NPHP3: variants seen among roughly 807,000 people sequenced by gnomAD.
The protein encoded by NPHP3 is nephrocystin 3, also known as nephrocystin-3.
A neutral mutation model predicts 171.9 loss-of-function variants in NPHP3; 123 were observed. That is an observed-to-expected ratio of 0.72 (90% CI 0.62 to 0.83). The LOEUF is 0.83. Among genes scored for constraint, NPHP3 ranks in the 40% least tolerant of loss-of-function variants. The pLI is 0.00. For missense variants in NPHP3, 1,506 were observed against 1,591.9 expected, an observed-to-expected ratio of 0.95 and a Z score of 0.92; for synonymous variants, 558 against 579.2, an observed-to-expected ratio of 0.96 and a Z score of 0.52.
rs913827174 is a variant in NPHP3 at position 132,722,371 on chromosome 3, T to C, written c.-16A>G. Reference sequence around the variant, plus strand: ...CGGTCCCCATGGCGTCCGTTGCCGCTACTACCTAGTGAGTACCAGCAGGAC... The same window carrying C: ...CGGTCCCCATGGCGTCCGTTGCCGCCACTACCTAGTGAGTACCAGCAGGAC... On this transcript the variant is annotated 5_prime_UTR_variant, in exon 1 of 27. Transcript: ENST00000337331. 2.6e-5 allele frequency: 41 copies of C among 1,574,164 alleles called. No homozygotes were observed. Among genetic ancestry groups the C allele is most frequent in the Non-Finnish European group, 3.4e-5 (40 of 1,170,100 alleles).
intron 17 of NPHP3, 58 bp from the exon 18 acceptor site, chr3:132,691,344 A>C: frequency 1.7e-6 from 2 of 1,179,826 alleles, no homozygotes; most frequent in Non-Finnish European, 2.5e-6. Flanking sequence ...TGTACATCTA[A>C]CAAGAGATTT....
At position 132,688,893 on chromosome 3, in the gene NPHP3, TG is replaced by T. The variant is rs1560002231; in HGVS notation, c.2884-3del. 1 of 1,613,984 alleles carries T rather than the reference TG, an allele frequency of 6.2e-7. No individual in the cohort carries two copies. Among genetic ancestry groups the T allele is most frequent in the Non-Finnish European group, 8.5e-7 (1 of 1,179,970 alleles). On this transcript the variant is annotated splice_region_variant and splice_polypyrimidine_tract_variant and intron_variant, in intron 20 of 26. Transcript: ENST00000337331. ...AGACCTCTGCAAAGGTACTATGGCC[TG>T]GGGGGAAAAGGGGTGAAAGGCCAGT...
intron 3 of NPHP3, 59 bp downstream of exon 3, chr3:132,718,935 C>G (rs1413248380): frequency 1.3e-6 from 2 of 1,554,578 alleles, no homozygotes; most frequent in Non-Finnish European, 1.8e-6. Context: ...TCAAAGTTGG[C>G]TCTACATGTC....
chr3:132,704,320 C>T lies in NPHP3; in HGVS notation c.1402G>A (p.Glu468Lys), dbSNP rs1270462235. The change falls in exon 9 of 27, where the codon GAG becomes AAG. Residue 468 changes from glutamate to lysine, a missense_variant. Physicochemically the swap from Glu to Lys is moderately conservative, Grantham distance 56. Around this residue, in one of 3 missense-constraint regions of NPHP3, gnomAD observed 930 missense variants for 924.9 expected, o/e 1.01. Transcript: ENST00000337331. ...TCATCTTCTTCTGGAATGGAATCCT[C>T]ACTGCCCAAATCCTTAGTCTCCAAG... ...TDLETKDLGS[E>K]DSIPEEDDFG... 1.9e-6 allele frequency: 3 copies of T among 1,614,072 alleles called. No homozygotes were observed. Among genetic ancestry groups the T allele is most frequent in the Admixed American group, 1.7e-5 (1 of 59,992 alleles).
intron 19 of NPHP3, among the ~76,000 whole-genome samples, chr3:132,689,802 T>C (rs1397262138): frequency 6.6e-6 from 1 of 152,170 alleles, no homozygotes; most frequent in East Asian, 1.9e-4. Context: ...TTAAGTAGTA[T>C]GGGGCTGGTA....
Position 132,701,535 on chromosome 3 carries a change from T to C in NPHP3, c.1525-2A>G. On this transcript the variant is annotated splice_acceptor_variant, in intron 9 of 26. Transcript: ENST00000337331. LOFTEE classifies it high-confidence loss of function. ...TAGATCATTAAGGCGTTGGTAATAC[T>C]AGAAAAAAAAATGAATTTACATTGT... The C allele has an allele frequency of 1.9e-6, 3 of 1,597,510 alleles. No individual in the cohort carries two copies. The highest frequency in any genetic ancestry group is 2.6e-6 in the Non-Finnish European group (3 of 1,165,322).
At chr3:132,693,331 G>A (rs1368795183) in intron 16 of NPHP3, 1 of 160,116 alleles carries the variant, frequency 6.2e-6, no homozygotes, top group Non-Finnish European at 1.4e-5. Context: ...TAAGAGCTCA[G>A]GTTTTCACAG....
intron 13 of NPHP3, 151 bp downstream of exon 13, chr3:132,699,202 T>C (rs1939538136): frequency 1.6e-6 from 1 of 635,760 alleles, no homozygotes; most frequent in Admixed American, 2.6e-5. Context: ...CTATAGATTG[T>C]ATTTTTTTTT....
chr3:132,700,544 T>C (rs1280069708), intron 10 of NPHP3, 96 bp from the exon 11 acceptor site: 8 of 683,308 alleles, frequency 1.2e-5, no homozygotes, highest in Admixed American at 2.8e-5. Flanking sequence ...AAATGTTGCC[T>C]AACTGAGCAA....
chr3:132,719,892 TTATA>T (rs746910950), intron 1 of NPHP3, 62 bp from the exon 2 acceptor site: 8 of 872,486 alleles, frequency 9.2e-6, no homozygotes, highest in Admixed American at 2.9e-5. Context: ...TTTTACATTC[TTATA>T]TATATACATA....
chr3:132,712,375 T>C (rs1576682120), intron 6 of NPHP3: 1 of 454,552 alleles, frequency 2.2e-6, no homozygotes, highest in East Asian at 7.0e-5. Context: ...ACTTTTTCTG[T>C]AAAAGGCCAG....
chr3:132,684,477 AC>A, intron 24 of NPHP3, 76 bp downstream of exon 24: 1 of 1,521,866 alleles, frequency 6.6e-7, no homozygotes, highest in South Asian at 1.1e-5. Context: ...CCTCATAAAG[AC>A]AAATTATTTT....
chr3:132,710,703 T>C (rs748413897), intron 6 of NPHP3, among the ~76,000 whole-genome samples: 1 of 152,202 alleles, frequency 6.6e-6, no homozygotes, highest in African/African-American at 2.4e-5. Context: ...TTCTTCGTTG[T>C]AGGAGATTTC....
At chr3:132,718,628 A>G (rs1338149019) in intron 3 of NPHP3, among the ~76,000 whole-genome samples, 1 of 152,212 alleles carries the variant, frequency 6.6e-6, no homozygotes, top group Non-Finnish European at 1.5e-5. Context: ...ATGGGATTTG[A>G]GAAGTGATCT....
At chr3:132,691,049 T>C (rs960389940) in intron 18 of NPHP3, 143 bp downstream of exon 18, 1 of 753,358 alleles carries the variant, frequency 1.3e-6, no homozygotes, top group African/African-American at 1.7e-5. Context: ...TCTTTTGACA[T>C]TAACAGAATA....
Position 132,686,330 on chromosome 3 carries a change from T to G in NPHP3, c.3259A>C (p.Lys1087Gln). The change falls in exon 23 of 27, where the codon AAG (lysine) becomes CAG (glutamine). Residue 1087 changes from lysine to glutamine, a missense_variant. Lys to Gln is a moderately conservative substitution (Grantham distance 53). This residue lies in a region of NPHP3 where 569 missense variants were observed against 648.1 expected (regional missense o/e 0.88). Transcript: ENST00000337331. ...GTCCGAGCATTATCAGGTGTGTCCT[T>G]ACCTAATGTAAGCTCTTCTAACTGT... ...ALQLEELTLG[K>Q]DTPDNARTLN... 6.2e-7 allele frequency: 1 copy of G among 1,613,796 alleles called. No homozygotes were observed. Among genetic ancestry groups the G allele is most frequent in the Non-Finnish European group, 8.5e-7 (1 of 1,179,696 alleles).
chr3:132,719,892 TTATATATATACATA>T, intron 1 of NPHP3, 62 bp from the exon 2 acceptor site: 3 of 872,538 alleles, frequency 3.4e-6, no homozygotes, highest in Non-Finnish European at 4.8e-6. Flanking sequence ...TTTTACATTC[TTATATATATACATA>T]TATATATATA....
At chr3:132,716,611 C>G (rs1940058681) in intron 4 of NPHP3, 146 bp downstream of exon 4, 2 of 866,596 alleles carry the variant, frequency 2.3e-6, no homozygotes, top group Admixed American at 1.9e-5. Context: ...TTAGTTACAG[C>G]CCCACTGTAT....
chr3:132,699,342 T>C lies in NPHP3; in HGVS notation c.1985+11A>G, dbSNP rs1939542947. 6.3e-7 allele frequency: 1 copy of C among 1,575,112 alleles called. No homozygotes were observed. The highest frequency in any genetic ancestry group is 8.7e-7 in the Non-Finnish European group (1 of 1,145,644). Reference sequence around the variant, plus strand: ...TCATGTACTCTGAAAGAACTAAAGTTGGCATCGTACCTCCATGCTGGAGGG... The same window carrying C: ...TCATGTACTCTGAAAGAACTAAAGTCGGCATCGTACCTCCATGCTGGAGGG... On this transcript the variant is annotated intron_variant, in intron 13 of 26. Transcript: ENST00000337331.
Sources: allele counts gnomAD v4.1 joint callset (sites outside exome capture counted in the v4.1 genomes callset), GRCh38; gene constraint gnomAD v4.1.1; regional missense constraint gnomAD v4.1.1; transcripts MANE v1.5; gene names NCBI Gene and HGNC (gene_info 2026-07-23, HGNC 2026-07-21).